The following HS3ST4 variants were observed in gnomAD, a reference collection of about 807,000 sequenced individuals.
HS3ST4 encodes the protein heparan sulfate-glucosamine 3-sulfotransferase 4, also known as heparan sulfate glucosamine 3-O-sulfotransferase 4.
In HS3ST4, 17 loss-of-function variants were observed where a neutral mutation model predicts 29.2. That is an observed-to-expected ratio of 0.58 (90% CI 0.40 to 0.87). The LOEUF (loss-of-function observed/expected upper bound fraction) is 0.87, where lower values mean the gene tolerates loss of function less well. HS3ST4 is among the 40% of genes least tolerant of loss of function. The pLI, the probability that HS3ST4 is intolerant of heterozygous loss-of-function variation, is 0.00. For synonymous variants in HS3ST4, 314 were observed against 285.7 expected (o/e 1.10, Z -1.00); for missense variants, 627 against 634.5 (o/e 0.99, Z 0.13).
intron 1 of HS3ST4, among the ~76,000 whole-genome samples, chr16:26,092,272 C>T (rs952414323): frequency 6.6e-6 from 1 of 152,166 alleles, no homozygotes; most frequent in African/African-American, 2.4e-5. Flanking sequence ...ATAGCCTTCT[C>T]CACAGGACAA....
At chr16:26,107,582 C>A (rs1020527574) in intron 1 of HS3ST4, among the ~76,000 whole-genome samples, 3 of 152,128 alleles carry the variant, frequency 2.0e-5, no homozygotes, top group African/African-American at 2.4e-5. Context: ...TCCATTATAC[C>A]ACTCTGTTTG....
At chr16:26,121,872 A>G (rs577368614) in intron 1 of HS3ST4, among the ~76,000 whole-genome samples, 2 of 152,334 alleles carry the variant, frequency 1.3e-5, no homozygotes, top group Admixed American at 1.3e-4. Flanking sequence ...AGTGTTTATG[A>G]ATAAAGTATC....
chr16:26,133,507 T>C (rs1161418943), intron 1 of HS3ST4, among the ~76,000 whole-genome samples: 2 of 152,224 alleles, frequency 1.3e-5, no homozygotes, highest in African/African-American at 2.4e-5. Context: ...CTTTGGAGAA[T>C]ATGTCACTCC....
intron 1 of HS3ST4, among the ~76,000 whole-genome samples, chr16:25,757,438 A>G (rs1966764440): frequency 1.3e-5 from 2 of 152,154 alleles, no homozygotes; most frequent in South Asian, 2.1e-4. Context: ...TTATAAGTTG[A>G]AGATTTGTGG....
chr16:25,881,906 T>A (rs943493843), intron 1 of HS3ST4, among the ~76,000 whole-genome samples: 2 of 152,226 alleles, frequency 1.3e-5, no homozygotes, highest in Non-Finnish European at 2.9e-5. Context: ...ATTCATAATC[T>A]GGATTCTAAT....
chr16:25,794,413 G>A (rs1051063106), intron 1 of HS3ST4, among the ~76,000 whole-genome samples: 13 of 151,522 alleles, frequency 8.6e-5, no homozygotes, highest in Admixed American at 2.6e-4. Context: ...CCTTAGCACA[G>A]GTCCCTGGCA....
intron 1 of HS3ST4, among the ~76,000 whole-genome samples, chr16:25,829,850 G>A (rs1171091586): frequency 1.3e-5 from 2 of 152,158 alleles, no homozygotes; most frequent in East Asian, 3.9e-4. Context: ...TTGAGTTGGA[G>A]TCTTGCTCTG....
At chr16:25,696,848 A>T (rs1966301502) in intron 1 of HS3ST4, among the ~76,000 whole-genome samples, 1 of 152,246 alleles carries the variant, frequency 6.6e-6, no homozygotes, top group Non-Finnish European at 1.5e-5. Flanking sequence ...AATGCCTGCC[A>T]TTGTGGCAAT....
At chr16:26,054,269 G>GGAGAGAGAGAGACAGAGAGAGGGA (rs1898379970) in intron 1 of HS3ST4, among the ~76,000 whole-genome samples, 1 of 133,646 alleles carries the variant, frequency 7.5e-6, no homozygotes, top group Non-Finnish European at 1.6e-5. Flanking sequence ...ACAGAGAGAG[G>GGAGAGAGAGAGACAGAGAGAGGGA]GAGAGAGAGA....
chr16:26,104,259 T>C (rs764317858), intron 1 of HS3ST4, among the ~76,000 whole-genome samples: 1 of 152,188 alleles, frequency 6.6e-6, no homozygotes, highest in Non-Finnish European at 1.5e-5. Context: ...TAATGGAAGC[T>C]TGGGAATCCA....
chr16:25,927,693 CTGTT>C (rs1968419212), intron 1 of HS3ST4, among the ~76,000 whole-genome samples: 1 of 151,058 alleles, frequency 6.6e-6, no homozygotes, highest in Non-Finnish European at 1.5e-5. Flanking sequence ...CGCTGTTTTT[CTGTT>C]TTTTTTTTTC....
intron 1 of HS3ST4, among the ~76,000 whole-genome samples, chr16:25,974,059 C>A (rs115672068): frequency 1.3e-5 from 2 of 152,220 alleles, no homozygotes; most frequent in Non-Finnish European, 2.9e-5. Context: ...TCCTGCCCAA[C>A]TCTTACCAGA....
intron 1 of HS3ST4, among the ~76,000 whole-genome samples, chr16:25,991,044 C>T (rs745411687): frequency 1.0e-4 from 15 of 148,814 alleles, no homozygotes; most frequent in East Asian, 1.9e-4. Context: ...AGAGCGTCAC[C>T]GGCCTCACCA....
intron 1 of HS3ST4, among the ~76,000 whole-genome samples, chr16:26,019,362 T>A (rs779073371): frequency 6.6e-6 from 1 of 152,220 alleles, no homozygotes; most frequent in Non-Finnish European, 1.5e-5. Context: ...ATGCTGGTAT[T>A]TTAATGCTCT....
intron 1 of HS3ST4, among the ~76,000 whole-genome samples, chr16:25,737,357 A>AC (rs900507104): frequency 0.019 from 988 of 51,898 alleles, 12 homozygotes; most frequent in African/African-American, 0.072. Context: ...GTTTTAAGTG[A>AC]CCCCCCCCAC....
Position 25,756,771 on chromosome 16 carries a change from A to G in HS3ST4, c.734+63620A>G, listed in dbSNP as rs147046429. Among the ~76,000 whole-genome samples, 378 of 152,330 alleles carry G rather than the reference A, an allele frequency of 2.5e-3. 2 individuals are homozygous for G. Among genetic ancestry groups the G allele is most frequent in the African/African-American group, 8.7e-3 (362 of 41,580 alleles). ...AGGATAAAGAATTACAGTGGAGTTG[A>G]AAACACTGTTAAAAAAATAAAAGAC... On this transcript the variant is annotated intron_variant, in intron 1 of 1. Coordinates refer to ENST00000331351, the MANE Select transcript of HS3ST4 (RefSeq NM_006040.3).
chr16:26,107,357 C>CAG (rs1406061945), intron 1 of HS3ST4, among the ~76,000 whole-genome samples: 2 of 151,348 alleles, frequency 1.3e-5, no homozygotes, highest in African/African-American at 4.9e-5. Context: ...TACAAACACA[C>CAG]ACACACACAC....
intron 1 of HS3ST4, among the ~76,000 whole-genome samples, chr16:25,928,433 A>G (rs978782839): frequency 6.6e-6 from 1 of 152,160 alleles, no homozygotes; most frequent in Non-Finnish European, 1.5e-5. Flanking sequence ...CCAAGGAAAA[A>G]CAAAGCCAAC....
chr16:26,066,393 T>C (rs1384235347), intron 1 of HS3ST4, among the ~76,000 whole-genome samples: 1 of 152,240 alleles, frequency 6.6e-6, no homozygotes, highest in African/African-American at 2.4e-5. Context: ...AATGATGTTA[T>C]TGAGAGCAAG....
Sources: allele counts gnomAD v4.1 joint callset (sites outside exome capture counted in the v4.1 genomes callset), GRCh38; gene constraint gnomAD v4.1.1; transcripts MANE v1.5; gene names NCBI Gene and HGNC (gene_info 2026-07-23, HGNC 2026-07-21).